SEC16B: variants seen among roughly 807,000 people sequenced by gnomAD.
SEC16B encodes SEC16 homolog B, endoplasmic reticulum export factor, also known as protein transport protein Sec16B.
In SEC16B, 115 loss-of-function variants were observed where a neutral mutation model predicts 141.8. The observed-to-expected ratio is 0.81, with a 90% CI of 0.70 to 0.95. The LOEUF (loss-of-function observed/expected upper bound fraction) is 0.95. Among genes scored for constraint, SEC16B ranks in the 40% least tolerant of loss-of-function variants. SEC16B has a pLI of 0.00. For missense variants in SEC16B, 1,291 were observed against 1,312.3 expected (o/e 0.98, Z 0.25); for synonymous variants, 493 against 492.5 (o/e 1.00, Z -0.01).
upstream of SEC16B, among the ~76,000 whole-genome samples, chr1:177,972,900 C>G (rs1422801149): frequency 6.6e-6 from 1 of 152,226 alleles, no homozygotes; most frequent in East Asian, 1.9e-4. Context: ...CTCTCTCTCT[C>G]TGCTCTCTGG....
chr1:177,948,944 C>CAA (rs1428232853), intron 12 of SEC16B, among the ~76,000 whole-genome samples: 2 of 145,168 alleles, frequency 1.4e-5, no homozygotes, highest in Non-Finnish European at 3.1e-5. Flanking sequence ...CACACACACA[C>CAA]ACACACAGTT....
At chr1:177,958,436 G>A (rs1346707368) in intron 9 of SEC16B, 74 bp from the exon 10 acceptor site, 37 of 1,267,984 alleles carry the variant, frequency 2.9e-5, no homozygotes, top group Middle Eastern at 1.9e-4. Flanking sequence ...GGAGAAGGAA[G>A]GCACCAGGGA....
At chr1:177,932,385 A>G (rs903796160) in intron 24 of SEC16B, 105 bp downstream of exon 24, 16 of 791,666 alleles carry the variant, frequency 2.0e-5, no homozygotes, top group Non-Finnish European at 2.9e-5. Context: ...GCAGAGAAGC[A>G]TTCTTCAGGT....
Position 177,968,004 on chromosome 1 carries a change from T to C in SEC16B, c.-23A>G. On this transcript the variant is annotated 5_prime_UTR_variant, in exon 2 of 26. Coordinates refer to ENST00000308284, the MANE Select transcript of SEC16B (RefSeq NM_033127.4). Reference sequence around the variant, plus strand: ...CATCCTTGACTCTCTGAATTTGTCCTGGGTTTTGAGTAAGTTGTGCAGTTA... The same window carrying C: ...CATCCTTGACTCTCTGAATTTGTCCCGGGTTTTGAGTAAGTTGTGCAGTTA... 6.3e-7 allele frequency: 1 copy of C among 1,576,702 alleles called. No homozygotes were observed. Among genetic ancestry groups the C allele is most frequent in the East Asian group, 2.3e-5 (1 of 44,208 alleles).
chr1:177,962,472 C>G (rs1229108119), intron 5 of SEC16B, among the ~76,000 whole-genome samples: 1 of 151,922 alleles, frequency 6.6e-6, no homozygotes, highest in Non-Finnish European at 1.5e-5. Flanking sequence ...TATGATGGCT[C>G]TCACCTGTAA....
Position 177,961,607 on chromosome 1 carries a change from C to A in SEC16B, c.770G>T (p.Trp257Leu). Residue 257 changes from tryptophan to leucine, a missense_variant, in exon 6 of 26, where the codon TGG (tryptophan) becomes TTG (leucine). Coordinates refer to ENST00000308284, the MANE Select transcript of SEC16B (RefSeq NM_033127.4). ...ERDDPPASAA[W>L]SPVQADVSSA... ...GAACCCACCAGCCTGAACTGGACTC[C>A]AAGCTGCTGAAGCTGGGGGATCATC... The A allele has an allele frequency of 6.2e-7, 1 of 1,613,226 alleles. No individual in the cohort carries two copies. The highest frequency in any genetic ancestry group is 8.5e-7 in the Non-Finnish European group (1 of 1,179,682).
At chr1:177,947,032 A>ATT (rs1651767199) in intron 13 of SEC16B, among the ~76,000 whole-genome samples, 1 of 152,212 alleles carries the variant, frequency 6.6e-6, no homozygotes, top group Non-Finnish European at 1.5e-5. Flanking sequence ...ATTCAGCTAG[A>ATT]TACAATACCT....
Position 177,954,347 on chromosome 1 carries a change from G to C in SEC16B, c.1395C>G (p.His465Gln). The C allele has an allele frequency of 1.3e-6, 2 of 1,575,574 alleles. No homozygotes were observed. The highest frequency in any genetic ancestry group is 1.7e-6 in the Non-Finnish European group (2 of 1,159,620). The change falls in exon 11 of 26, where the codon CAC (histidine) becomes CAG (glutamine). Residue 465 changes from histidine to glutamine, a missense_variant. This residue lies in a region of SEC16B where 681 missense variants were observed against 675.5 expected (regional missense o/e 1.01). Coordinates refer to ENST00000308284, the MANE Select transcript of SEC16B (RefSeq NM_033127.4). ...KEALEWAMKN[H>Q]LWGHALFLSS... Reference sequence around the variant, plus strand: ...ACAGGAACAAAGCATGGCCCCACAAGTGGTTCTTCATGGCCCACTCCAAGG... The same window carrying C: ...ACAGGAACAAAGCATGGCCCCACAACTGGTTCTTCATGGCCCACTCCAAGG...
intron 20 of SEC16B, 139 bp from the exon 21 acceptor site, chr1:177,933,775 A>G (rs983914840): frequency 1.2e-6 from 1 of 862,154 alleles, no homozygotes; most frequent in Non-Finnish European, 1.8e-6. Context: ...AGAGGAAGGA[A>G]GGCTCAGCCA....
intron 1 of SEC16B, among the ~76,000 whole-genome samples, chr1:177,982,659 T>C (rs1654469100): frequency 6.6e-6 from 1 of 152,236 alleles, no homozygotes; most frequent in South Asian, 2.1e-4. Context: ...GAGGCTGCAC[T>C]GCATGGCCAC....
chr1:177,932,421 C>T lies in SEC16B; in HGVS notation c.3012+69G>A. 8.1e-6 allele frequency: 10 copies of T among 1,230,678 alleles called. No homozygotes were observed. The South Asian group carries it at 1.4e-4, about 18-fold the overall frequency. The allele number at this position is 1,230,678 out of a possible 1,614,324, so 76.2% of individuals were successfully genotyped here. On this transcript the variant is annotated intron_variant, in intron 24 of 25. Transcript: ENST00000308284. Reference sequence around the variant, plus strand: ...TCGCCAGGAGTCAGCACTGCCCACACTGAAGGTTCAGTCCTCACACACAGG... The same window carrying T: ...TCGCCAGGAGTCAGCACTGCCCACATTGAAGGTTCAGTCCTCACACACAGG...
intron 1 of SEC16B, among the ~76,000 whole-genome samples, chr1:177,969,532 A>C (rs1653813957): frequency 6.6e-6 from 1 of 152,232 alleles, no homozygotes; most frequent in Non-Finnish European, 1.5e-5. Context: ...ATTTGGACCA[A>C]GTAAGCAGAA....
In SEC16B at chr1:177,954,188, C is replaced by T. The variant is rs898315346; in HGVS notation, c.1463+91G>A. The stretch of plus-strand genomic sequence containing the variant: ...ATCCCTGGAGTGTGAGTCTCCTTAG[C>T]GCGTCTGACATTTCTCCACACCCTC... On this transcript the variant is annotated intron_variant, in intron 11 of 25. Coordinates refer to ENST00000308284, the MANE Select transcript of SEC16B (RefSeq NM_033127.4). The T allele has an allele frequency of 1.4e-5, 12 of 861,044 alleles. 1 individual carries two copies. The highest frequency in any genetic ancestry group is 5.4e-5 in the East Asian group (2 of 37,370). 53.3% of individuals were successfully genotyped at this position (861,044 alleles called of 1,614,324 possible).
intron 11 of SEC16B, 104 bp from the exon 12 acceptor site, chr1:177,952,099 T>C (rs1452895611): frequency 3.2e-6 from 3 of 950,662 alleles, no homozygotes; most frequent in Non-Finnish European, 1.6e-6. Context: ...TTTTGGCAGC[T>C]TCCTTAGGAA....
At chr1:177,979,798 C>T (rs1043566971) in intron 1 of SEC16B, among the ~76,000 whole-genome samples, 15 of 152,166 alleles carry the variant, frequency 9.9e-5, no homozygotes, top group Non-Finnish European at 2.9e-5. Flanking sequence ...TGGATGGCAG[C>T]AGGCAAAGAG....
In SEC16B at chr1:177,964,220, G is replaced by C. The variant is rs368445401; in HGVS notation, c.593C>G (p.Pro198Arg). Residue 198 changes from proline (P) to arginine (R), a missense_variant, in exon 5 of 26, where the codon CCG (proline) becomes CGG (arginine). By Grantham distance (103) the Pro-to-Arg change is moderately radical. Transcript: ENST00000308284. ...CAGGCTCCCTGGAAACAGCTCCCCC[G>C]GCCACTCCTGTCCAGAGTTGGAAGC... Reference protein sequence around the residue: ...SPASNSGQEWPGELFPGSLLA... With the variant: ...SPASNSGQEWRGELFPGSLLA... The C allele has an allele frequency of 6.2e-7, 1 of 1,613,468 alleles. No individual in the cohort carries two copies. The highest frequency in any genetic ancestry group is 8.5e-7 in the Non-Finnish European group (1 of 1,179,682).
At chr1:177,958,434 A>C in intron 9 of SEC16B, 72 bp from the exon 10 acceptor site, 1 of 1,287,092 alleles carries the variant, frequency 7.8e-7, no homozygotes, top group Non-Finnish European at 1.1e-6. Context: ...CTGGAGAAGG[A>C]AGGCACCAGG....
In SEC16B at chr1:177,958,338, C is replaced by T. The variant is rs544290042; in HGVS notation, c.1159G>A (p.Glu387Lys). The change falls in exon 10 of 26, where the codon GAG becomes AAG. Residue 387 changes from glutamate (E) to lysine (K), a missense_variant. By Grantham distance (56) the Glu-to-Lys change is moderately conservative. Coordinates refer to ENST00000308284, the MANE Select transcript of SEC16B (RefSeq NM_033127.4). ...TTCTTGCAGTCTTGCATTAGCAGCTCAGCGATGTCAGACCCCACCATGGAC... is the reference window on the plus strand; with the variant it reads ...TTCTTGCAGTCTTGCATTAGCAGCTTAGCGATGTCAGACCCCACCATGGAC... ...NGSMVGSDIA[E>K]LLMQDCKKLE... 1.1e-5 allele frequency: 18 copies of T among 1,600,984 alleles called. No homozygotes were observed. The East Asian group carries it at 1.8e-4, about 16-fold the overall frequency.
At chr1:177,939,093 C>T (rs1479938692) in intron 18 of SEC16B, among the ~76,000 whole-genome samples, 1 of 152,228 alleles carries the variant, frequency 6.6e-6, no homozygotes, top group Non-Finnish European at 1.5e-5. Flanking sequence ...GCCCACCCTT[C>T]CCTTTGCTCA....
Sources: gnomAD v4.1 joint callset for allele counts (sites outside exome capture counted in the v4.1 genomes callset) on GRCh38, gnomAD v4.1.1 for gene constraint, gnomAD v4.1.1 regional missense constraint, MANE v1.5 for transcripts, NCBI Gene and HGNC (gene_info 2026-07-23, HGNC 2026-07-21) for gene names.